MBNL1: variants seen among roughly 807,000 people sequenced by gnomAD.
MBNL1 encodes muscleblind like splicing regulator 1.
Under a neutral mutation model 42.2 loss-of-function variants are expected in MBNL1, and 8 were observed. The observed-to-expected ratio is 0.19, with a 90% CI of 0.11 to 0.34. MBNL1 has a LOEUF of 0.34. MBNL1 is among the 10% of genes least tolerant of loss of function. MBNL1 has a pLI of 1.00. For missense variants in MBNL1, 309 were observed against 495.3 expected, an observed-to-expected ratio of 0.62 and a Z score of 3.57; for synonymous variants, 169 against 173.9, an observed-to-expected ratio of 0.97 and a Z score of 0.22.
chr3:152,374,955 A>T (rs1225802011), intron 2 of MBNL1, among the ~76,000 whole-genome samples: 2 of 152,192 alleles, frequency 1.3e-5, no homozygotes, highest in African/African-American at 4.8e-5. Context: ...GGCAAAGAAG[A>T]TATCTTCTAA....
At chr3:152,317,151 A>C (rs1237164649) in intron 2 of MBNL1, among the ~76,000 whole-genome samples, 1 of 152,096 alleles carries the variant, frequency 6.6e-6, no homozygotes, top group Non-Finnish European at 1.5e-5. Flanking sequence ...TTTTCTACAG[A>C]TCTTCCATTC....
At chr3:152,305,204 GAC>G in intron 2 of MBNL1, among the ~76,000 whole-genome samples, 1 of 152,300 alleles carries the variant, frequency 6.6e-6, no homozygotes, top group East Asian at 1.9e-4. Flanking sequence ...ACTTAAAAGA[GAC>G]AATGCAGTGT....
At chr3:152,312,117 G>A (rs1023219291) in intron 2 of MBNL1, among the ~76,000 whole-genome samples, 2 of 150,358 alleles carry the variant, frequency 1.3e-5, no homozygotes, top group Non-Finnish European at 1.5e-5. Context: ...GCGTGAACCC[G>A]GGAGGCGGAG....
chr3:152,363,030 A>G (rs1578705691), intron 2 of MBNL1, among the ~76,000 whole-genome samples: 1 of 152,156 alleles, frequency 6.6e-6, no homozygotes, highest in Non-Finnish European at 1.5e-5. Flanking sequence ...AGTCACAGAA[A>G]TGGGTATCAA....
At chr3:152,291,431 C>CT (rs2055908684) in intron 1 of MBNL1, among the ~76,000 whole-genome samples, 1 of 152,170 alleles carries the variant, frequency 6.6e-6, no homozygotes, top group African/African-American at 2.4e-5. Flanking sequence ...CTCATGTTCT[C>CT]TTTCCAATGA....
At chr3:152,296,882 A>C (rs2058740721) in intron 1 of MBNL1, among the ~76,000 whole-genome samples, 1 of 152,198 alleles carries the variant, frequency 6.6e-6, no homozygotes, top group Non-Finnish European at 1.5e-5. Flanking sequence ...CCATGGGGTT[A>C]CTGAGATGAA....
chr3:152,337,344 G>A (rs1238761673), intron 2 of MBNL1, among the ~76,000 whole-genome samples: 1 of 152,168 alleles, frequency 6.6e-6, no homozygotes, highest in Non-Finnish European at 1.5e-5. Context: ...AGTTGGCCAA[G>A]CACGGTGGCT....
chr3:152,362,911 T>C (rs962292012), intron 2 of MBNL1, among the ~76,000 whole-genome samples: 4 of 152,170 alleles, frequency 2.6e-5, no homozygotes, highest in Admixed American at 1.3e-4. Context: ...GTACTCAAAG[T>C]TGGGGAGTAT....
At chr3:152,360,294 C>G (rs1404182740) in intron 2 of MBNL1, among the ~76,000 whole-genome samples, 1 of 152,038 alleles carries the variant, frequency 6.6e-6, no homozygotes, top group Non-Finnish European at 1.5e-5. Context: ...TAACAAAAGC[C>G]CCACACCCTT....
chr3:152,408,030 G>T lies in MBNL1; in HGVS notation c.175-6911G>T, dbSNP rs1224407458. On this transcript the variant is annotated intron_variant, in intron 2 of 9. Transcript: ENST00000324210. The stretch of plus-strand genomic sequence containing the variant: ...TTGGGATAGCAGTAGGAAAAATAGT[G>T]CATGCTGGGGTTAATACCTAGGTGA... Among the ~76,000 whole-genome samples, 3 of 152,136 alleles carry T rather than the reference G, an allele frequency of 2.0e-5. No individual in the cohort carries two copies. The East Asian group carries it at 5.8e-4, about 29-fold the overall frequency.
At chr3:152,367,429 T>C (rs779267441) in intron 2 of MBNL1, among the ~76,000 whole-genome samples, 3 of 152,202 alleles carry the variant, frequency 2.0e-5, no homozygotes, top group Non-Finnish European at 4.4e-5. Flanking sequence ...GTCTCTCAAT[T>C]GATGGGCATT....
intron 2 of MBNL1, among the ~76,000 whole-genome samples, chr3:152,254,624 C>A (rs1179542589): frequency 6.6e-6 from 1 of 151,930 alleles, no homozygotes; most frequent in East Asian, 1.9e-4. Context: ...TAGGAAAATT[C>A]TTTTTCTTGT....
chr3:152,454,304 T>A (rs975314191), intron 6 of MBNL1, among the ~76,000 whole-genome samples: 3 of 152,190 alleles, frequency 2.0e-5, no homozygotes, highest in African/African-American at 4.8e-5. Context: ...AAGTAATCCG[T>A]GTTTCAGCTG....
At chr3:152,404,484 A>G (rs2098363020) in intron 2 of MBNL1, among the ~76,000 whole-genome samples, 1 of 152,124 alleles carries the variant, frequency 6.6e-6, no homozygotes, top group African/African-American at 2.4e-5. Context: ...TGTGGGATCT[A>G]GCAGGTACAA....
In MBNL1 at chr3:152,342,585, C is replaced by CACACACTT. The variant is rs1420508907; in HGVS notation, c.174+42220_174+42221insACACTTAC. Among the ~76,000 whole-genome samples the CACACACTT allele has an allele frequency of 5.3e-5, 8 of 149,634 alleles. No homozygotes were observed. The Middle Eastern group carries it at 0.01, about 191-fold the overall frequency. Reference sequence around the variant, plus strand: ...ACACACACACACACACACACACACACACTTTCCACAAACAACAGGACCTAC... The same window carrying CACACACTT: ...ACACACACACACACACACACACACACACACACTTACTTTCCACAAACAACAGGACCTAC... On this transcript the variant is annotated intron_variant, in intron 2 of 9. Coordinates refer to ENST00000324210, the MANE Select transcript of MBNL1 (RefSeq NM_021038.5).
chr3:152,347,436 A>G (rs1337667224), intron 2 of MBNL1, among the ~76,000 whole-genome samples: 1 of 152,128 alleles, frequency 6.6e-6, no homozygotes, highest in Admixed American at 6.6e-5. Flanking sequence ...TTTTCATATC[A>G]AATGTATTTT....
intron 2 of MBNL1, among the ~76,000 whole-genome samples, chr3:152,410,169 A>T (rs903861487): frequency 2.6e-5 from 4 of 152,094 alleles, no homozygotes; most frequent in Non-Finnish European, 5.9e-5. Context: ...ACTGTATTAA[A>T]CTGTAATGTT....
chr3:152,461,164 G>A (rs1745095405), intron 9 of MBNL1, among the ~76,000 whole-genome samples: 1 of 152,202 alleles, frequency 6.6e-6, no homozygotes, highest in African/African-American at 2.4e-5. Flanking sequence ...CTGTAGCAAA[G>A]CTGGACAAAG....
At chr3:152,349,065 G>C (rs1407408667) in intron 2 of MBNL1, among the ~76,000 whole-genome samples, 1 of 152,038 alleles carries the variant, frequency 6.6e-6, no homozygotes, top group East Asian at 1.9e-4. Flanking sequence ...GAAGAGAAGG[G>C]AAGAACTTTG....
Sources: gnomAD v4.1 joint callset for allele counts (sites outside exome capture counted in the v4.1 genomes callset) on GRCh38, gnomAD v4.1.1 for gene constraint, MANE v1.5 for transcripts, NCBI Gene and HGNC (gene_info 2026-07-23, HGNC 2026-07-21) for gene names.